SHLD2: variants seen among roughly 807,000 people sequenced by gnomAD.
The protein encoded by SHLD2 is RINN1-REV7-interacting novel NHEJ regulator 2.
SHLD2 carries 30 observed loss-of-function variants against 73.2 expected under a neutral mutation model. The observed-to-expected ratio is 0.41, with a 90% CI of 0.31 to 0.56. The LOEUF (loss-of-function observed/expected upper bound fraction) is 0.56, where lower values mean the gene tolerates loss of function less well. Ranked by LOEUF, SHLD2 falls within the 20% of genes least tolerant of loss-of-function variation. The probability of loss-of-function intolerance (pLI) is 0.28; values close to 1 mark genes in which losing one functional copy is unlikely to be tolerated. For missense variants in SHLD2, 745 were observed against 1,055.9 expected (o/e 0.71, Z 4.08); for synonymous variants, 285 against 370.1 (o/e 0.77, Z 2.64).
intron 4 of SHLD2, among the ~76,000 whole-genome samples, chr10:87,158,392 A>G (rs1208452885): frequency 6.6e-6 from 1 of 152,186 alleles, no homozygotes; most frequent in Non-Finnish European, 1.5e-5. Context: ...GGCCATCAGT[A>G]TAGTGGTGGT....
At chr10:87,102,349 C>T (rs894919572) in intron 2 of SHLD2, among the ~76,000 whole-genome samples, 4 of 152,068 alleles carry the variant, frequency 2.6e-5, no homozygotes, top group Admixed American at 1.3e-4. Context: ...TGGACCCAAG[C>T]GGTCTTCCCA....
intron 9 of SHLD2, among the ~76,000 whole-genome samples, chr10:87,188,511 C>A (rs547766735): frequency 6.6e-6 from 1 of 152,256 alleles, no homozygotes; most frequent in African/African-American, 2.4e-5. Flanking sequence ...TGATGTCTTG[C>A]CCTGCCCCCA....
At chr10:87,147,723 C>A (rs964628918) in intron 2 of SHLD2, among the ~76,000 whole-genome samples, 3 of 151,768 alleles carry the variant, frequency 2.0e-5, no homozygotes, top group Non-Finnish European at 4.4e-5. Flanking sequence ...TAATAAAATT[C>A]AGTTCCAAAA....
Position 87,152,084 on chromosome 10 carries a change from A to G in SHLD2, c.730A>G (p.Ser244Gly), listed in dbSNP as rs77879311. 257,671 of 1,611,732 alleles carry G rather than the reference A, an allele frequency of 0.16. 21,597 individuals are homozygous for G. The highest frequency in any genetic ancestry group is 0.22 in the African/African-American group (16,837 of 74,880). ...AATATCAACTGATACAGAATTTCTCAGTATAATTACCTCCAGCCAGGTTGC... is the reference window on the plus strand; with the variant it reads ...AATATCAACTGATACAGAATTTCTCGGTATAATTACCTCCAGCCAGGTTGC... ...LKISTDTEFL[S>G]IITSSQVAFL... The change falls in exon 3 of 10, where the codon AGT becomes GGT. Residue 244 changes from serine (S) to glycine (G), a missense_variant. Physicochemically the swap from Ser to Gly is moderately conservative, Grantham distance 56 (BLOSUM62 0). Around this residue, in one of 5 missense-constraint regions of SHLD2, gnomAD observed 280 missense variants for 353.9 expected, o/e 0.79. Transcript: ENST00000298786.
intron 2 of SHLD2, among the ~76,000 whole-genome samples, chr10:87,128,792 T>C (rs10749548): frequency 3.3e-5 from 5 of 152,264 alleles, no homozygotes; most frequent in African/African-American, 4.8e-5. Flanking sequence ...GTAAATGATA[T>C]GCTTTAATAT....
chr10:87,118,674 G>A (rs979667566), intron 2 of SHLD2, among the ~76,000 whole-genome samples: 1 of 148,940 alleles, frequency 6.7e-6, no homozygotes, highest in Non-Finnish European at 1.5e-5. Context: ...GTCCAGGCCA[G>A]TCTCAAACTC....
Position 87,146,414 on chromosome 10 carries a change from C to T in SHLD2, c.-5-4936C>T, listed in dbSNP as rs570247801. ...GTTCAAGCGATTCTCCTGCCTCAGC[C>T]TCTGGTGTAGCTGGGATTACAGGTG... On this transcript the variant is annotated intron_variant, in intron 2 of 9. Transcript: ENST00000298786. Among the ~76,000 whole-genome samples, 12 of 152,184 alleles carry T rather than the reference C, an allele frequency of 7.9e-5. 1 individual carries two copies. The East Asian group carries it at 2.3e-3, about 30-fold the overall frequency.
At chr10:87,159,120 A>AT (rs1846635469) in intron 4 of SHLD2, among the ~76,000 whole-genome samples, 1 of 152,212 alleles carries the variant, frequency 6.6e-6, no homozygotes, top group South Asian at 2.1e-4. Flanking sequence ...ATACAAGAAG[A>AT]TAACTGGAAT....
chr10:87,113,571 G>A (rs1208528439), intron 2 of SHLD2, among the ~76,000 whole-genome samples: 2 of 152,182 alleles, frequency 1.3e-5, no homozygotes, highest in Admixed American at 6.5e-5. Context: ...GGAGGCAATT[G>A]GGAATGACTG....
chr10:87,147,067 A>C (rs1458938849), intron 2 of SHLD2, among the ~76,000 whole-genome samples: 2 of 145,474 alleles, frequency 1.4e-5, no homozygotes, highest in African/African-American at 2.6e-5. Context: ...AAAAAAAAAA[A>C]AAAAGAAAAA....
At chr10:87,133,178 AT>A (rs1480936964) in intron 2 of SHLD2, among the ~76,000 whole-genome samples, 3 of 152,262 alleles carry the variant, frequency 2.0e-5, no homozygotes, top group South Asian at 2.1e-4. Context: ...TGGAAAAAAA[AT>A]AATTTTTAAT....
intron 2 of SHLD2, among the ~76,000 whole-genome samples, chr10:87,102,534 C>G (rs571759017): frequency 2.0e-5 from 3 of 151,974 alleles, no homozygotes; most frequent in African/African-American, 7.2e-5. Context: ...ATGGTGAAAC[C>G]CTGTCTCTAC....
chr10:87,149,680 C>T (rs1316866356), intron 2 of SHLD2, among the ~76,000 whole-genome samples: 4 of 151,978 alleles, frequency 2.6e-5, no homozygotes, highest in African/African-American at 4.8e-5. Flanking sequence ...GCTGAGATCA[C>T]GTCATTGCAC....
intron 2 of SHLD2, among the ~76,000 whole-genome samples, chr10:87,141,320 A>G (rs528759176): frequency 6.7e-6 from 1 of 149,894 alleles, no homozygotes; most frequent in South Asian, 2.1e-4. Flanking sequence ...TAGAAGAAAT[A>G]AATTCTGGTG....
intron 2 of SHLD2, among the ~76,000 whole-genome samples, chr10:87,143,473 G>C (rs1233501285): frequency 6.6e-6 from 1 of 152,036 alleles, no homozygotes; most frequent in South Asian, 2.1e-4. Flanking sequence ...GTCAAACATG[G>C]GTTCTCTGTC....
chr10:87,158,529 GTTC>G (rs1463988454), intron 4 of SHLD2, among the ~76,000 whole-genome samples: 2 of 152,092 alleles, frequency 1.3e-5, no homozygotes, highest in African/African-American at 4.8e-5. Context: ...GACCTCTGAA[GTTC>G]TTCTGTGGAA....
chr10:87,127,628 A>G (rs1388767787), intron 2 of SHLD2, among the ~76,000 whole-genome samples: 1 of 149,210 alleles, frequency 6.7e-6, no homozygotes, highest in Non-Finnish European at 1.5e-5. Flanking sequence ...TAGACAAGGT[A>G]AGTATTCAAA....
At chr10:87,146,980 C>G (rs1845655195) in intron 2 of SHLD2, among the ~76,000 whole-genome samples, 1 of 147,210 alleles carries the variant, frequency 6.8e-6, no homozygotes, top group South Asian at 2.1e-4. Context: ...CGCTTAAACC[C>G]AGGAGGCAGA....
intron 6 of SHLD2, among the ~76,000 whole-genome samples, chr10:87,175,211 CTA>C (rs1847876915): frequency 6.6e-6 from 1 of 150,988 alleles, no homozygotes; most frequent in African/African-American, 2.4e-5. Context: ...ACTAAAATAA[CTA>C]TTGAAATATG....
Sources: gnomAD v4.1 joint callset for allele counts (sites outside exome capture counted in the v4.1 genomes callset) on GRCh38, gnomAD v4.1.1 for gene constraint, gnomAD v4.1.1 regional missense constraint, MANE v1.5 for transcripts, NCBI Gene and HGNC (gene_info 2026-07-23, HGNC 2026-07-21) for gene names.